ALDH1A1: variants seen among roughly 807,000 people sequenced by gnomAD.
The protein encoded by ALDH1A1 is aldehyde dehydrogenase 1A1.
ALDH1A1 carries 19 observed loss-of-function variants against 62.1 expected under a neutral mutation model. The ratio of observed to expected loss-of-function variants is 0.31; its 90% CI spans 0.21 to 0.45. The LOEUF is 0.45. Among genes scored for constraint, ALDH1A1 ranks in the 20% least tolerant of loss-of-function variants. The probability of loss-of-function intolerance (pLI) is 1.00; values close to 1 mark genes in which losing one functional copy is unlikely to be tolerated. For missense variants in ALDH1A1, 521 were observed against 607.1 expected (o/e 0.86, Z 1.49); for synonymous variants, 231 against 215.9 (o/e 1.07, Z -0.61).
chr9:72,942,924 T>C (rs149020282), intron 1 of ALDH1A1, among the ~76,000 whole-genome samples: 2 of 152,300 alleles, frequency 1.3e-5, no homozygotes, highest in East Asian at 1.9e-4. Context: ...AAATTACTTA[T>C]GTTCTGCTTT....
intron 3 of ALDH1A1, among the ~76,000 whole-genome samples, 167 bp downstream of exon 3, chr9:72,930,712 A>G (rs995199097): frequency 4.6e-5 from 7 of 152,210 alleles, no homozygotes; most frequent in African/African-American, 1.7e-4. Context: ...GCAGATTACT[A>G]TTTGAGAATA....
At chr9:72,905,860 C>A in intron 12 of ALDH1A1, 98 bp downstream of exon 12, 1 of 944,520 alleles carries the variant, frequency 1.1e-6, no homozygotes, top group South Asian at 1.8e-5. Context: ...AGAACAGAGG[C>A]AGGTTTTATG....
At chr9:72,930,369 T>A (rs961110221) in intron 3 of ALDH1A1, among the ~76,000 whole-genome samples, 1 of 152,174 alleles carries the variant, frequency 6.6e-6, no homozygotes, top group Non-Finnish European at 1.5e-5. Context: ...ATTATGACCC[T>A]TGTGAACAGA....
intron 4 of ALDH1A1, among the ~76,000 whole-genome samples, chr9:72,928,128 T>C (rs1830234298): frequency 2.2e-5 from 3 of 134,754 alleles, no homozygotes; most frequent in South Asian, 2.5e-4. Context: ...TCTGACCTCC[T>C]GCATGCTCCA....
At chr9:72,944,124 A>G (rs1332691553) in intron 1 of ALDH1A1, among the ~76,000 whole-genome samples, 1 of 152,044 alleles carries the variant, frequency 6.6e-6, no homozygotes, top group Non-Finnish European at 1.5e-5. Flanking sequence ...TTTAGGCTCT[A>G]TTCTGGATAT....
chr9:72,919,052 G>A (rs969075686), intron 7 of ALDH1A1, among the ~76,000 whole-genome samples: 2 of 151,856 alleles, frequency 1.3e-5, no homozygotes, highest in Admixed American at 1.3e-4. Context: ...GTGATTCTCT[G>A]GCAAATGGCA....
intron 8 of ALDH1A1, 91 bp from the exon 9 acceptor site, chr9:72,917,195 T>A: frequency 1.9e-6 from 2 of 1,072,840 alleles, no homozygotes; most frequent in Non-Finnish European, 2.4e-6. Context: ...TAAAGAAAAA[T>A]TATGAGTTGT....
chr9:72,942,251 T>A (rs1213200238), intron 1 of ALDH1A1: 1 of 964,966 alleles, frequency 1.0e-6, no homozygotes, highest in African/African-American at 1.8e-5. Context: ...TACAGCTTAG[T>A]ATTTTTCTTC....
At chr9:72,906,163 A>G (rs1229000732) in intron 11 of ALDH1A1, 131 bp from the exon 12 acceptor site, 2 of 581,866 alleles carry the variant, frequency 3.4e-6, no homozygotes, top group Non-Finnish European at 6.0e-6. Context: ...TCATCTTGAT[A>G]AAAAAAAGTA....
At chr9:72,949,503 C>T (rs1012826154) in intron 1 of ALDH1A1, among the ~76,000 whole-genome samples, 2 of 151,800 alleles carry the variant, frequency 1.3e-5, no homozygotes, top group African/African-American at 4.8e-5. Flanking sequence ...GTTACATAGC[C>T]GCTCTGTTCC....
At chr9:72,904,148 C>T (rs1446732846) in intron 12 of ALDH1A1, among the ~76,000 whole-genome samples, 1 of 152,028 alleles carries the variant, frequency 6.6e-6, no homozygotes, top group East Asian at 1.9e-4. Context: ...AGTTAGGTAG[C>T]TTGAACTGGG....
chr9:72,940,067 C>A, intron 2 of ALDH1A1, 81 bp downstream of exon 2: 4 of 1,012,842 alleles, frequency 3.9e-6, no homozygotes, highest in Admixed American at 1.9e-5. Flanking sequence ...TCTTTTGGAG[C>A]TTGCAATGGG....
intron 2 of ALDH1A1, among the ~76,000 whole-genome samples, chr9:72,939,155 T>A (rs1830383340): frequency 6.6e-6 from 1 of 152,196 alleles, no homozygotes; most frequent in African/African-American, 2.4e-5. Flanking sequence ...TTATTAGCAA[T>A]GTCACCTTGA....
At chr9:72,909,539 C>A in intron 11 of ALDH1A1, 63 bp downstream of exon 11, 2 of 1,428,306 alleles carry the variant, frequency 1.4e-6, no homozygotes, top group South Asian at 3.1e-5. Flanking sequence ...TGAAAAAGTT[C>A]AAGGTAGTAA....
At chr9:72,903,942 G>T (rs182570455) in intron 12 of ALDH1A1, among the ~76,000 whole-genome samples, 74 of 152,098 alleles carry the variant, frequency 4.9e-4, no homozygotes, top group African/African-American at 1.7e-3. Context: ...AATTAGTTTT[G>T]CCAAGAGATT....
At chr9:72,949,052 C>G (rs1197472641) in intron 1 of ALDH1A1, among the ~76,000 whole-genome samples, 1 of 151,780 alleles carries the variant, frequency 6.6e-6, no homozygotes, top group Non-Finnish European at 1.5e-5. Flanking sequence ...AAGGGTTAAA[C>G]AAAACCAGAA....
At chr9:72,906,280 C>T (rs542988094) in intron 11 of ALDH1A1, among the ~76,000 whole-genome samples, 160 of 152,214 alleles carry the variant, frequency 1.1e-3, no homozygotes, top group Non-Finnish European at 1.4e-3. Context: ...CATTGTGTCC[C>T]TGAGAAGTGG....
intron 2 of ALDH1A1, among the ~76,000 whole-genome samples, chr9:72,932,257 A>C (rs886355132): frequency 3.8e-4 from 58 of 152,192 alleles, no homozygotes; most frequent in Non-Finnish European, 2.6e-4. Context: ...GGGAGAGAAA[A>C]AGTAATGACC....
intron 1 of ALDH1A1, among the ~76,000 whole-genome samples, chr9:72,946,745 C>CG (rs1830480291): frequency 6.6e-6 from 1 of 151,632 alleles, no homozygotes; most frequent in South Asian, 2.1e-4. Flanking sequence ...CCAAAGTGCA[C>CG]CCCCCCACAC....
Sources: allele counts gnomAD v4.1 joint callset (sites outside exome capture counted in the v4.1 genomes callset), GRCh38; gene constraint gnomAD v4.1.1; transcripts MANE v1.5; gene names NCBI Gene and HGNC (gene_info 2026-07-23, HGNC 2026-07-21).